The following KCNQ5 variants were observed in gnomAD, a reference collection of about 807,000 sequenced individuals.
KCNQ5 encodes potassium voltage-gated channel subfamily Q member 5, also known as potassium voltage-gated channel subfamily KQT member 5.
Under a neutral mutation model 98.2 loss-of-function variants are expected in KCNQ5, and 30 were observed. The ratio of observed to expected loss-of-function variants is 0.31; its 90% confidence interval spans 0.23 to 0.41. KCNQ5 has a LOEUF of 0.41. Ranked by LOEUF, KCNQ5 falls within the 10% of genes least tolerant of loss-of-function variation. The pLI, the probability that KCNQ5 is intolerant of heterozygous loss-of-function variation, is 1.00. For synonymous variants in KCNQ5, 458 were observed against 449.4 expected (o/e 1.02, Z -0.24); for missense variants, 835 against 1,182.5 (o/e 0.71, Z 4.31).
chr6:72,939,080 T>C (rs1766101776), intron 1 of KCNQ5, among the ~76,000 whole-genome samples: 1 of 152,192 alleles, frequency 6.6e-6, no homozygotes, highest in African/African-American at 2.4e-5. Flanking sequence ...TTGACATGCC[T>C]TGTCTGGAAA....
At chr6:72,683,668 A>G (rs544446801) in intron 1 of KCNQ5, among the ~76,000 whole-genome samples, 10 of 151,842 alleles carry the variant, frequency 6.6e-5, no homozygotes, top group Middle Eastern at 3.4e-3. Context: ...CGCCTGGCCC[A>G]CATATACTTT....
At chr6:73,126,383 G>C (rs1775988640) in intron 9 of KCNQ5, among the ~76,000 whole-genome samples, 1 of 152,154 alleles carries the variant, frequency 6.6e-6, no homozygotes, top group Non-Finnish European at 1.5e-5. Context: ...ACCTTGGGCT[G>C]GCACAATGAT....
intron 2 of KCNQ5, among the ~76,000 whole-genome samples, chr6:73,031,585 G>A (rs907658923): frequency 3.3e-5 from 5 of 152,164 alleles, no homozygotes; most frequent in Admixed American, 3.3e-4. Flanking sequence ...AATGGGTAAG[G>A]CATTTCTCTA....
intron 1 of KCNQ5, among the ~76,000 whole-genome samples, chr6:72,752,901 G>A (rs765431366): frequency 2.0e-5 from 3 of 152,060 alleles, no homozygotes; most frequent in African/African-American, 7.2e-5. Context: ...TGAATTGATC[G>A]AGGTTCTTCT....
At chr6:72,648,115 A>G (rs1415205937) in intron 1 of KCNQ5, among the ~76,000 whole-genome samples, 1 of 152,150 alleles carries the variant, frequency 6.6e-6, no homozygotes, top group East Asian at 1.9e-4. Context: ...ATAATTATTT[A>G]TAGCAGTCAC....
chr6:73,123,139 A>G lies in KCNQ5; in HGVS notation c.1221-1347A>G, dbSNP rs1387326379. Among the ~76,000 whole-genome samples, 7 of 150,672 alleles carry G rather than the reference A, an allele frequency of 4.6e-5. No individual in the cohort carries two copies. In the East Asian group the frequency reaches 1.4e-3, roughly 29 times the overall value. On this transcript the variant is annotated intron_variant, in intron 8 of 13. Transcript: ENST00000370398. ...GCAGTTGGAGTAAAAAAAAAAAAAA[A>G]GTTAGAATCTCTGGCCTTGGGAAGT...
At chr6:72,877,999 A>G (rs1778486828) in intron 1 of KCNQ5, among the ~76,000 whole-genome samples, 2 of 152,366 alleles carry the variant, frequency 1.3e-5, no homozygotes, top group African/African-American at 4.8e-5. Flanking sequence ...GGCCGGGTAC[A>G]GTGGCTCATG....
intron 1 of KCNQ5, among the ~76,000 whole-genome samples, chr6:72,945,833 T>C (rs1766518685): frequency 6.6e-6 from 1 of 152,178 alleles, no homozygotes; most frequent in African/African-American, 2.4e-5. Context: ...AATACTGGTG[T>C]AGAATATTCT....
chr6:72,707,432 A>G (rs543170195), intron 1 of KCNQ5, among the ~76,000 whole-genome samples: 21 of 152,164 alleles, frequency 1.4e-4, no homozygotes, highest in Non-Finnish European at 2.5e-4. Context: ...TTATTTCAGA[A>G]TTTTAAAAAT....
chr6:72,864,030 C>T (rs572386146), intron 1 of KCNQ5, among the ~76,000 whole-genome samples: 8 of 152,254 alleles, frequency 5.3e-5, no homozygotes, highest in South Asian at 2.1e-4. Flanking sequence ...GCAGCCTCCC[C>T]GCGGCAAGTA....
At chr6:73,053,818 A>T (rs1772344389) in intron 3 of KCNQ5, among the ~76,000 whole-genome samples, 1 of 152,176 alleles carries the variant, frequency 6.6e-6, no homozygotes, top group African/African-American at 2.4e-5. Context: ...GATCGACCCC[A>T]AAGCTAGTAG....
intron 1 of KCNQ5, among the ~76,000 whole-genome samples, chr6:72,781,156 A>G (rs560939909): frequency 6.6e-6 from 1 of 152,258 alleles, no homozygotes; most frequent in African/African-American, 2.4e-5. Flanking sequence ...CATGACTGGT[A>G]TCCTTGTGAG....
chr6:73,161,226 A>G (rs1003657117), intron 10 of KCNQ5, among the ~76,000 whole-genome samples: 2 of 152,192 alleles, frequency 1.3e-5, no homozygotes, highest in African/African-American at 4.8e-5. Context: ...AATAGATCAT[A>G]TGTGCTCATT....
intron 3 of KCNQ5, chr6:73,043,043 C>A: frequency 3.6e-6 from 1 of 279,148 alleles, no homozygotes; most frequent in Non-Finnish European, 8.1e-6. Context: ...TCTACAGCTA[C>A]CACAGGTTTT....
At position 72,842,944 on chromosome 6, in the gene KCNQ5, T is replaced by G. The variant is rs546468225; in HGVS notation, c.399-160964T>G. 5.3e-5 allele frequency among the ~76,000 whole-genome samples: 8 copies of G among 152,290 alleles called. No homozygotes were observed. In the East Asian group the frequency reaches 1.5e-3, roughly 29 times the overall value. On this transcript the variant is annotated intron_variant, in intron 1 of 13. Coordinates refer to ENST00000370398, the MANE Select transcript of KCNQ5 (RefSeq NM_019842.4). ...TCTCCCATTCTGTAGGTTGCCTGTT[T>G]GCTCTGATGATAGTTTCTTTGCTGT...
chr6:73,079,149 A>G (rs777922140), intron 5 of KCNQ5, among the ~76,000 whole-genome samples: 8 of 152,124 alleles, frequency 5.3e-5, no homozygotes, highest in Non-Finnish European at 1.0e-4. Flanking sequence ...AAAAAATACA[A>G]AAATTAGCCA....
chr6:73,046,465 T>C (rs1202162801), intron 3 of KCNQ5, among the ~76,000 whole-genome samples: 1 of 152,046 alleles, frequency 6.6e-6, no homozygotes, highest in Non-Finnish European at 1.5e-5. Flanking sequence ...TTAATCCCTC[T>C]AGTTAGTAAT....
rs946607810 is a variant in KCNQ5, at chr6:73,151,739, T to C, written c.1469-18007T>C. ...TGAGCTGGCTGCTCTCTAAGCCTAC[T>C]GCACAGCCATTATCTTTTGAATTCC... On this transcript the variant is annotated intron_variant, in intron 10 of 13. Coordinates refer to ENST00000370398, the MANE Select transcript of KCNQ5 (RefSeq NM_019842.4). Among the ~76,000 whole-genome samples the C allele has an allele frequency of 2.0e-5, 3 of 152,270 alleles. No individual in the cohort carries two copies. The East Asian group carries it at 5.8e-4, about 29-fold the overall frequency.
chr6:72,765,447 G>A (rs987886803), intron 1 of KCNQ5, among the ~76,000 whole-genome samples: 1 of 152,048 alleles, frequency 6.6e-6, no homozygotes, highest in East Asian at 1.9e-4. Flanking sequence ...TTTACACTGG[G>A]TGGTCAGGAA....
Sources: gnomAD v4.1 joint callset for allele counts (sites outside exome capture counted in the v4.1 genomes callset) on GRCh38, gnomAD v4.1.1 for gene constraint, MANE v1.5 for transcripts, NCBI Gene and HGNC (gene_info 2026-07-23, HGNC 2026-07-21) for gene names.